The following ZNF540 variants were observed in gnomAD, a reference collection of about 807,000 sequenced individuals.
The protein encoded by ZNF540 is CTD-3064H18.6.
ZNF540 carries 3 observed loss-of-function variants against 11.8 expected under a neutral mutation model. The ratio of observed to expected loss-of-function variants is 0.25; its 90% CI spans 0.12 to 0.65. The LOEUF is 0.65. Ranked by LOEUF, ZNF540 falls within the 30% of genes least tolerant of loss-of-function variation. The pLI is 0.83. For synonymous variants in ZNF540, 247 were observed against 259.0 expected (o/e 0.95, Z 0.45); for missense variants, 709 against 793.1 (o/e 0.89, Z 1.27).
intron 1 of ZNF540, among the ~76,000 whole-genome samples, chr19:37,572,128 TCTC>T (rs951357737): frequency 2.6e-5 from 4 of 152,136 alleles, no homozygotes; most frequent in African/African-American, 9.7e-5. Context: ...TATTTATACA[TCTC>T]CTACTTCTGT....
At chr19:37,600,347 A>G (rs1351600959) in intron 3 of ZNF540, among the ~76,000 whole-genome samples, 1 of 152,206 alleles carries the variant, frequency 6.6e-6, no homozygotes, top group Non-Finnish European at 1.5e-5. Context: ...ACAAACCTGC[A>G]CGTATGGCCC....
intron 2 of ZNF540, 68 bp downstream of exon 2, chr19:37,598,524 C>A: frequency 6.4e-7 from 1 of 1,556,430 alleles, no homozygotes; most frequent in Non-Finnish European, 8.8e-7. Flanking sequence ...CATTTTCACT[C>A]TTTATGCTGA....
chr19:37,570,328 T>C (rs1369976325), intron 1 of ZNF540, among the ~76,000 whole-genome samples: 1 of 152,198 alleles, frequency 6.6e-6, no homozygotes, highest in Non-Finnish European at 1.5e-5. Context: ...GATTATTTTC[T>C]TCACCTTCTT....
chr19:37,572,603 G>A (rs1306097422), intron 1 of ZNF540, among the ~76,000 whole-genome samples: 5 of 152,128 alleles, frequency 3.3e-5, no homozygotes, highest in Non-Finnish European at 7.3e-5. Flanking sequence ...GAATGTATAC[G>A]CCGCAGATAA....
chr19:37,572,031 CCTAT>C (rs1476355903), intron 1 of ZNF540, among the ~76,000 whole-genome samples: 3 of 8,258 alleles, frequency 3.6e-4, no homozygotes, highest in Admixed American at 1.2e-3. Context: ...GTACATTAGT[CCTAT>C]CTATCAATCA....
At chr19:37,609,716 C>T (rs2044113561) in intron 4 of ZNF540, among the ~76,000 whole-genome samples, 1 of 150,898 alleles carries the variant, frequency 6.6e-6, no homozygotes, top group Admixed American at 6.6e-5. Flanking sequence ...GGTTTGGTGG[C>T]ATGCACCTGT....
intron 1 of ZNF540, among the ~76,000 whole-genome samples, chr19:37,575,248 C>G (rs899877164): frequency 6.6e-6 from 1 of 152,100 alleles, no homozygotes. Context: ...TAATAATGTA[C>G]TAGTACTATT....
chr19:37,579,202 C>T (rs1285471099), intron 1 of ZNF540, among the ~76,000 whole-genome samples: 1 of 152,230 alleles, frequency 6.6e-6, no homozygotes, highest in Non-Finnish European at 1.5e-5. Flanking sequence ...CTCCCCACAT[C>T]ATAGCCAGCA....
chr19:37,587,538 T>C (rs2043717591), intron 1 of ZNF540, among the ~76,000 whole-genome samples: 1 of 151,736 alleles, frequency 6.6e-6, no homozygotes, highest in Non-Finnish European at 1.5e-5. Context: ...ACTTCAAGAT[T>C]GAGCAAGTTC....
At chr19:37,576,637 C>T (rs1252610077) in intron 1 of ZNF540, among the ~76,000 whole-genome samples, 1 of 152,050 alleles carries the variant, frequency 6.6e-6, no homozygotes, top group Non-Finnish European at 1.5e-5. Context: ...CAGCATAAAA[C>T]ATGTTTAAGA....
intron 1 of ZNF540, chr19:37,565,413 CT>C: frequency 6.2e-7 from 1 of 1,613,588 alleles, no homozygotes; most frequent in Non-Finnish European, 8.5e-7. Context: ...TTCCCACATT[CT>C]TTACATATGT....
At chr19:37,566,649 T>C (rs1335368456) in intron 1 of ZNF540, among the ~76,000 whole-genome samples, 1 of 152,120 alleles carries the variant, frequency 6.6e-6, no homozygotes, top group Non-Finnish European at 1.5e-5. Context: ...CCTGTCAACA[T>C]TAAGAATCTG....
Position 37,613,505 on chromosome 19 carries a change from C to T in ZNF540, c.*242C>T. 1 of 408,280 alleles carries T rather than the reference C, an allele frequency of 2.4e-6. No homozygotes were observed. Among genetic ancestry groups the T allele is most frequent in the East Asian group, 3.5e-5 (1 of 28,500 alleles). The allele number at this position is 408,280 out of a possible 1,614,324, so 25.3% of individuals were successfully genotyped here. A position where few individuals can be genotyped will look rare whatever the true frequency, so the allele number is the denominator to read the frequency against. On this transcript the variant is annotated 3_prime_UTR_variant, in exon 5 of 5. Transcript: ENST00000316433. ...TATACTTATCATCATTGCCTTTCCA[C>T]TACTCTACTATCTGTGTGATATTAG...
intron 1 of ZNF540, among the ~76,000 whole-genome samples, chr19:37,554,024 G>T (rs1025613758): frequency 1.3e-5 from 2 of 152,166 alleles, no homozygotes; most frequent in Non-Finnish European, 2.9e-5. Context: ...GGGTCAGGGA[G>T]TACACATGCA....
At chr19:37,568,710 G>A (rs1317780593) in intron 1 of ZNF540, among the ~76,000 whole-genome samples, 1 of 152,098 alleles carries the variant, frequency 6.6e-6, no homozygotes, top group African/African-American at 2.4e-5. Flanking sequence ...ATATAAAAAT[G>A]TATTCAATTA....
rs117455385 is a variant in ZNF540, at chr19:37,567,237, G to C, written c.-73+15572G>C. 2.7e-3 allele frequency among the ~76,000 whole-genome samples: 411 copies of C among 152,200 alleles called. 7 individuals are homozygous for C. The East Asian group carries it at 0.043, about 16-fold the overall frequency. On this transcript the variant is annotated intron_variant, in intron 1 of 4. Transcript: ENST00000592533. ...CTGTCCCATGCTTAATCAAAGCAAG[G>C]GCTTTGTTTCATATACTGCTTTATC... is the stretch of plus-strand genomic sequence containing the variant.
upstream of ZNF540, among the ~76,000 whole-genome samples, chr19:37,592,817 G>A (rs1333305427): frequency 6.6e-6 from 1 of 152,196 alleles, no homozygotes; most frequent in Admixed American, 6.5e-5. Context: ...GAAGCAATTA[G>A]CTAAAAGCAG....
At chr19:37,588,865 T>C (rs1241088986) in intron 1 of ZNF540, among the ~76,000 whole-genome samples, 3 of 152,116 alleles carry the variant, frequency 2.0e-5, no homozygotes, top group Admixed American at 6.5e-5. Flanking sequence ...TTATAACACA[T>C]ACCCAAATTA....
chr19:37,561,924 A>G (rs1055653218), intron 1 of ZNF540, among the ~76,000 whole-genome samples: 2 of 152,244 alleles, frequency 1.3e-5, no homozygotes, highest in Non-Finnish European at 2.9e-5. Context: ...TTGTGGCATC[A>G]TGGTGGTTAC....
Sources: allele counts gnomAD v4.1 joint callset (sites outside exome capture counted in the v4.1 genomes callset), GRCh38; gene constraint gnomAD v4.1.1; transcripts MANE v1.5; gene names NCBI Gene and HGNC (gene_info 2026-07-23, HGNC 2026-07-21).